Variants in TLR3 observed in about 807,000 individuals in gnomAD.
TLR3 encodes the protein toll like receptor 3.
Under a neutral mutation model 66.4 loss-of-function variants are expected in TLR3, and 43 were observed. The ratio of observed to expected loss-of-function variants is 0.65; its 90% CI spans 0.51 to 0.83. TLR3 has a LOEUF of 0.83. Ranked by LOEUF, TLR3 falls within the 40% of genes least tolerant of loss-of-function variation. The pLI, the probability that TLR3 is intolerant of heterozygous loss-of-function variation, is 0.00. For synonymous variants in TLR3, 397 were observed against 397.2 expected, an observed-to-expected ratio of 1.00 and a Z score of 0.01; for missense variants, 982 against 1,044.6, an observed-to-expected ratio of 0.94 and a Z score of 0.83.
At chr4:186,069,771 A>C (rs904710708) in intron 1 of TLR3, among the ~76,000 whole-genome samples, 5 of 152,202 alleles carry the variant, frequency 3.3e-5, no homozygotes, top group African/African-American at 1.2e-4. Context: ...AATGAAGGAT[A>C]ATGGAAGAAG....
chr4:186,084,619 A>G, intron 4 of TLR3, 26 bp from the exon 5 acceptor site: 2 of 1,471,632 alleles, frequency 1.4e-6, no homozygotes, highest in Non-Finnish European at 1.9e-6. Context: ...CCGTATATTA[A>G]TTCTTCAATA....
At chr4:186,075,407 A>G (rs1579726228) in intron 1 of TLR3, among the ~76,000 whole-genome samples, 1 of 152,122 alleles carries the variant, frequency 6.6e-6, no homozygotes, top group African/African-American at 2.4e-5. Context: ...GGATCACTTG[A>G]TGTCAAAAGT....
At chr4:186,074,864 C>T (rs959198963) in intron 1 of TLR3, among the ~76,000 whole-genome samples, 2 of 151,774 alleles carry the variant, frequency 1.3e-5, no homozygotes, top group Admixed American at 6.6e-5. Context: ...TTAGCCTAGG[C>T]CTGCTCAGAG....
chr4:186,079,529 T>C (rs968544838), intron 3 of TLR3, among the ~76,000 whole-genome samples: 2 of 152,126 alleles, frequency 1.3e-5, no homozygotes, highest in East Asian at 3.9e-4. Flanking sequence ...CATAGGACTG[T>C]GTGGTAAAGA....
intron 3 of TLR3, among the ~76,000 whole-genome samples, chr4:186,081,408 A>T (rs1310125490): frequency 6.6e-5 from 10 of 152,168 alleles, no homozygotes; most frequent in Admixed American, 6.5e-4. Context: ...GAGTCCCAGA[A>T]CAGCCAAGGC....
In TLR3 at chr4:186,076,817, A is replaced by G. The variant is rs934375780; in HGVS notation, c.198A>G (p.Leu66=). ...TTACCCATAATCAACTCAGAAGATT[A>G]CCAGCCGCCAACTTCACAAGGTATA... The part of the protein sequence containing the change: ...LNLTHNQLRR[L]PAANFTRYSQ... The change falls in exon 2 of 5, where the codon TTA becomes TTG. Residue 66 remains leucine, a synonymous_variant. Transcript: ENST00000296795. 1.2e-6 allele frequency: 2 copies of G among 1,614,076 alleles called. No individual in the cohort carries two copies. The highest frequency in any genetic ancestry group is 2.7e-5 in the African/African-American group (2 of 74,928).
At position 186,082,357 on chromosome 4, in the gene TLR3, T is replaced by A. The variant is rs747450592; in HGVS notation, c.671T>A (p.Phe224Tyr). 6 of 1,613,988 alleles carry A rather than the reference T, an allele frequency of 3.7e-6. No homozygotes were observed. The highest frequency in any genetic ancestry group is 3.3e-5 in the Admixed American group (2 of 59,982). Residue 224 changes from phenylalanine (F) to tyrosine (Y), a missense_variant, in exon 4 of 5, where the codon TTT becomes TAT. By Grantham distance (22) the Phe-to-Tyr change is conservative (BLOSUM62 3). Around this residue, in one of 3 missense-constraint regions of TLR3, gnomAD observed 313 missense variants for 319.0 expected, o/e 0.98. Coordinates refer to ENST00000296795, the MANE Select transcript of TLR3 (RefSeq NM_003265.3). Reference sequence around the variant, plus strand: ...TGTTTTCACGCAATTGGAAGATTATTTGGCCTCTTTCTGAACAATGTCCAG... The same window carrying A: ...TGTTTTCACGCAATTGGAAGATTATATGGCCTCTTTCTGAACAATGTCCAG... ...PGCFHAIGRL[F>Y]GLFLNNVQLG...
chr4:186,082,563 TC>T lies in TLR3; in HGVS notation c.879del (p.Phe294LeufsTer7). On this transcript the variant is annotated frameshift_variant, in exon 4 of 5. Coordinates refer to ENST00000296795, the MANE Select transcript of TLR3 (RefSeq NM_003265.3). LOFTEE classifies it high-confidence loss of function. ...YNNLNVVGND[S>X]FAWLPQLEYF... ...CAACTTAAATGTGGTTGGTAACGAT[TC>T]CTTTGCTTGGCTTCCACAACTAGAA... is the stretch of plus-strand genomic sequence containing the variant. 1 of 1,614,214 alleles carries T rather than the reference TC, an allele frequency of 6.2e-7. No homozygotes were observed.
Position 186,084,631 on chromosome 4 carries a change from A to G in TLR3, c.2487-14A>G, listed in dbSNP as rs1442896409. On this transcript the variant is annotated splice_polypyrimidine_tract_variant and intron_variant, in intron 4 of 4. Coordinates refer to ENST00000296795, the MANE Select transcript of TLR3 (RefSeq NM_003265.3). ...AAACCGTATATTAATTCTTCAATACATTTTTTTACTTAGATTCAAGGTACA... is the reference window on the plus strand; with the variant it reads ...AAACCGTATATTAATTCTTCAATACGTTTTTTTACTTAGATTCAAGGTACA... 1 of 1,553,964 alleles carries G rather than the reference A, an allele frequency of 6.4e-7. No individual in the cohort carries two copies. The highest frequency in any genetic ancestry group is 8.9e-7 in the Non-Finnish European group (1 of 1,126,704).
chr4:186,070,885 T>C (rs963450434), intron 1 of TLR3, among the ~76,000 whole-genome samples: 12 of 151,808 alleles, frequency 7.9e-5, no homozygotes, highest in Non-Finnish European at 1.3e-4. Flanking sequence ...TAAAATATTT[T>C]TGTAGATACG....
Position 186,086,786 on chromosome 4 carries a change from A to G in TLR3, c.*1913A>G, listed in dbSNP as rs562651912. Reference sequence around the variant, plus strand: ...AATATATAATATCTATATTTAATATATTGATATGTTACTGGTGGAGAGTGT... The same window carrying G: ...AATATATAATATCTATATTTAATATGTTGATATGTTACTGGTGGAGAGTGT... On this transcript the variant is annotated 3_prime_UTR_variant, in exon 5 of 5. Transcript: ENST00000296795. 2.0e-5 allele frequency: 3 copies of G among 152,112 alleles called. No homozygotes were observed. The South Asian group carries it at 6.2e-4, about 32-fold the overall frequency. The allele number at this position is 152,112 out of a possible 1,614,324, so 9.4% of individuals were successfully genotyped here. A position where few individuals can be genotyped will look rare whatever the true frequency, so the allele number is the denominator to read the frequency against.
At chr4:186,070,541 T>C (rs983414699) in intron 1 of TLR3, among the ~76,000 whole-genome samples, 4 of 151,908 alleles carry the variant, frequency 2.6e-5, no homozygotes, top group Admixed American at 1.3e-4. Context: ...TGAACCACTA[T>C]GGCCAGCTAA....
intron 1 of TLR3, among the ~76,000 whole-genome samples, chr4:186,070,824 C>A (rs2099301324): frequency 6.6e-6 from 1 of 151,864 alleles, no homozygotes; most frequent in Non-Finnish European, 1.5e-5. Flanking sequence ...CTGCCTCAGC[C>A]TCCCAAGTAG....
In TLR3 at chr4:186,077,301, C is replaced by T. The variant is rs1266652636; in HGVS notation, c.441+241C>T. ...TCCCATTAGAAATAGAACTTAGACG[C>T]AAGAGATAGAAGTAATGAACAGAGA... On this transcript the variant is annotated intron_variant, in intron 2 of 4. Coordinates refer to ENST00000296795, the MANE Select transcript of TLR3 (RefSeq NM_003265.3). Among the ~76,000 whole-genome samples the T allele has an allele frequency of 2.6e-5, 4 of 152,122 alleles. 1 individual carries two copies. The highest frequency in any genetic ancestry group is 4.4e-5 in the Non-Finnish European group (3 of 68,036).
At chr4:186,084,231 T>G in intron 4 of TLR3, 59 bp downstream of exon 4, 2 of 1,567,352 alleles carry the variant, frequency 1.3e-6, no homozygotes, top group South Asian at 1.2e-5. Context: ...ATTTCTTTTT[T>G]TTTTTTTGAG....
Position 186,082,781 on chromosome 4 carries a change from T to C in TLR3, c.1095T>C (p.Asn365=). The change falls in exon 4 of 5, where the codon AAT becomes AAC. Residue 365 remains asparagine (N), a synonymous_variant. Transcript: ENST00000296795. ...KCLEHLNMED[N]DIPGIKSNMF... ...TGGAGCACCTTAACATGGAAGATAATGATATTCCAGGCATAAAAAGCAATA... is the reference window on the plus strand; with the variant it reads ...TGGAGCACCTTAACATGGAAGATAACGATATTCCAGGCATAAAAAGCAATA... 6.2e-7 allele frequency: 1 copy of C among 1,614,146 alleles called. No individual in the cohort carries two copies. The highest frequency in any genetic ancestry group is 8.5e-7 in the Non-Finnish European group (1 of 1,180,002).
At position 186,085,875 on chromosome 4, in the gene TLR3, T is replaced by A. The variant is rs1320474237; in HGVS notation, c.*1002T>A. On this transcript the variant is annotated 3_prime_UTR_variant, in exon 5 of 5. Transcript: ENST00000296795. The stretch of plus-strand genomic sequence containing the variant: ...TTTTGTTTGTTTGTTTTTTATTTGT[T>A]TGTTTTTGAGACAGAGTCTGGCTCT... 5.9e-5 allele frequency: 9 copies of A among 152,236 alleles called. No individual in the cohort carries two copies. Among genetic ancestry groups the A allele is most frequent in the Non-Finnish European group, 4.4e-5 (3 of 68,070 alleles). The allele number at this position is 152,236 out of a possible 1,614,324, so 9.4% of individuals were successfully genotyped here.
At chr4:186,069,474 T>G (rs1048354027) in intron 1 of TLR3, among the ~76,000 whole-genome samples, 1 of 152,256 alleles carries the variant, frequency 6.6e-6, no homozygotes, top group Non-Finnish European at 1.5e-5. Flanking sequence ...CAATATCTAG[T>G]TAATGTGATA....
chr4:186,084,506 A>G, intron 4 of TLR3, 139 bp from the exon 5 acceptor site: 1 of 671,284 alleles, frequency 1.5e-6, no homozygotes, highest in Non-Finnish European at 2.5e-6. Context: ...TCACAACTCA[A>G]AGAATTTTTA....
Sources: gnomAD v4.1 joint callset for allele counts (sites outside exome capture counted in the v4.1 genomes callset) on GRCh38, gnomAD v4.1.1 for gene constraint, gnomAD v4.1.1 regional missense constraint, MANE v1.5 for transcripts, NCBI Gene and HGNC (gene_info 2026-07-23, HGNC 2026-07-21) for gene names.